Variants in CPNE4 observed in about 807,000 individuals in gnomAD.
The protein encoded by CPNE4 is copine-4.
CPNE4 carries 25 observed loss-of-function variants against 67.9 expected under a neutral mutation model. That is an observed-to-expected ratio of 0.37 (90% CI 0.27 to 0.51). CPNE4 has a LOEUF of 0.51. CPNE4 is among the 20% of genes least tolerant of loss of function. The probability of loss-of-function intolerance (pLI) is 0.93; values close to 1 mark genes in which losing one functional copy is unlikely to be tolerated. For synonymous variants in CPNE4, 242 were observed against 244.9 expected, an observed-to-expected ratio of 0.99 and a Z score of 0.11; for missense variants, 464 against 690.8, an observed-to-expected ratio of 0.67 and a Z score of 3.68.
At chr3:132,017,323 G>A (rs1257689998) in intron 1 of CPNE4, 1 of 151,062 alleles carries the variant, frequency 6.6e-6, no homozygotes. Flanking sequence ...GAGAAGGAGA[G>A]AAGAATAGAA....
chr3:131,577,606 A>G (rs1937581701), intron 9 of CPNE4, among the ~76,000 whole-genome samples: 2 of 152,148 alleles, frequency 1.3e-5, no homozygotes, highest in African/African-American at 4.8e-5. Flanking sequence ...AATATAATAA[A>G]TGGCACACCT....
At chr3:131,903,686 A>G (rs1301499968) in intron 2 of CPNE4, among the ~76,000 whole-genome samples, 1 of 152,152 alleles carries the variant, frequency 6.6e-6, no homozygotes, top group Admixed American at 6.6e-5. Flanking sequence ...CCTTGCCTGT[A>G]AAATGGGGAT....
At chr3:131,756,890 T>G (rs1465034101) in intron 2 of CPNE4, among the ~76,000 whole-genome samples, 1 of 152,130 alleles carries the variant, frequency 6.6e-6, no homozygotes, top group Non-Finnish European at 1.5e-5. Flanking sequence ...AGTGAATAAG[T>G]CTCAAGAGAT....
chr3:131,766,311 G>A (rs2083013665), intron 2 of CPNE4, among the ~76,000 whole-genome samples: 1 of 23,430 alleles, frequency 4.3e-5, no homozygotes, highest in South Asian at 1.5e-3. Context: ...TACTCAAGAA[G>A]TGTTAGCTTT....
intron 1 of CPNE4, among the ~76,000 whole-genome samples, chr3:132,022,807 T>G (rs2074026082): frequency 6.6e-6 from 1 of 152,168 alleles, no homozygotes; most frequent in African/African-American, 2.4e-5. Context: ...ACTATCTGAT[T>G]CCCTGTTTTC....
At chr3:131,573,477 A>G (rs1025774616) in intron 10 of CPNE4, among the ~76,000 whole-genome samples, 2 of 152,014 alleles carry the variant, frequency 1.3e-5, no homozygotes, top group African/African-American at 2.4e-5. Flanking sequence ...TTCAGCACCT[A>G]ATTTTTGTTG....
At chr3:131,807,295 T>C (rs1036910060) in intron 2 of CPNE4, among the ~76,000 whole-genome samples, 1 of 152,188 alleles carries the variant, frequency 6.6e-6, no homozygotes, top group African/African-American at 2.4e-5. Flanking sequence ...GCAAAGGGCA[T>C]CTCACAGGCA....
Position 131,699,828 on chromosome 3 carries a change from T to G in CPNE4, c.432+81A>C, listed in dbSNP as rs1195150625. ...AACTCCCAATATCAGAAAGTCTGCTTCCCAAGTGTCTGGTTTGGGCTGGCC... is the reference window on the plus strand; with the variant it reads ...AACTCCCAATATCAGAAAGTCTGCTGCCCAAGTGTCTGGTTTGGGCTGGCC... On this transcript the variant is annotated intron_variant, in intron 4 of 15. Coordinates refer to ENST00000429747, the MANE Select transcript of CPNE4 (RefSeq NM_130808.3). 3.8e-6 allele frequency: 4 copies of G among 1,060,128 alleles called. No homozygotes were observed. The South Asian group carries it at 6.2e-5, about 16-fold the overall frequency. The allele number at this position is 1,060,128 out of a possible 1,614,324, so 65.7% of individuals were successfully genotyped here.
Position 131,931,984 on chromosome 3 carries a change from T to G in CPNE4, c.-1-26540A>C, listed in dbSNP as rs1376721324. 3.3e-5 allele frequency among the ~76,000 whole-genome samples: 5 copies of G among 152,266 alleles called. No individual in the cohort carries two copies. The East Asian group carries it at 9.7e-4, about 29-fold the overall frequency. ...TTCTAGTTTGGTACCATGATACAAG[T>G]GAACACCAACCATATATGGCTATAA... On this transcript the variant is annotated intron_variant, in intron 1 of 15. Coordinates refer to ENST00000429747, the MANE Select transcript of CPNE4 (RefSeq NM_130808.3).
At chr3:131,836,945 C>T (rs2085580497) in intron 2 of CPNE4, among the ~76,000 whole-genome samples, 1 of 152,074 alleles carries the variant, frequency 6.6e-6, no homozygotes, top group African/African-American at 2.4e-5. Flanking sequence ...ACCAAAGATA[C>T]ACAGATGGCA....
chr3:131,593,494 C>T (rs945109579), intron 7 of CPNE4, among the ~76,000 whole-genome samples: 29 of 152,036 alleles, frequency 1.9e-4, no homozygotes, highest in African/African-American at 7.0e-4. Context: ...GTTACTAATT[C>T]TTATATATTG....
chr3:131,996,781 A>G (rs6439332), intron 1 of CPNE4, among the ~76,000 whole-genome samples: 142,755 of 152,088 alleles, frequency 0.94, 67,125 homozygotes, highest in African/African-American at 0.98. Flanking sequence ...TTAGGAGAGG[A>G]TAATGAGGGA....
chr3:131,620,346 T>C (rs1940395691), intron 7 of CPNE4: 1 of 357,334 alleles, frequency 2.8e-6, no homozygotes, highest in African/African-American at 2.2e-5. Context: ...TGATGTTAAG[T>C]GTTTAAAGGT....
In CPNE4 at chr3:131,953,250, A is replaced by AAAAAT. The variant is rs1560669180; in HGVS notation, c.-1-47807_-1-47806insATTTT. 1.4e-3 allele frequency among the ~76,000 whole-genome samples: 196 copies of AAAAAT among 141,966 alleles called. 1 individual carries two copies. Among genetic ancestry groups the AAAAAT allele is most frequent in the East Asian group, 2.6e-3 (13 of 5,024 alleles). 93.1% of individuals were successfully genotyped at this position (141,966 alleles called of 152,430 possible). ...CAAGAATGATCAATTAAAAAAAAAAAAAAAAAAAAAAAAAAAGAATGGTGA... is the reference window on the plus strand; with the variant it reads ...CAAGAATGATCAATTAAAAAAAAAAAAAAATAAAAAAAAAAAAAAAAGAATGGTGA... On this transcript the variant is annotated intron_variant, in intron 1 of 15. Coordinates refer to ENST00000429747, the MANE Select transcript of CPNE4 (RefSeq NM_130808.3).
chr3:131,928,871 T>C (rs1190591783), intron 1 of CPNE4, among the ~76,000 whole-genome samples: 1 of 152,224 alleles, frequency 6.6e-6, no homozygotes, highest in Non-Finnish European at 1.5e-5. Context: ...GAGCAGCAGC[T>C]GGCTGCTTCT....
intron 1 of CPNE4, among the ~76,000 whole-genome samples, chr3:132,015,505 A>C (rs1439732980): frequency 1.1e-5 from 1 of 92,914 alleles, no homozygotes; most frequent in Non-Finnish European, 2.5e-5. Context: ...AATTCCTTAG[A>C]CATACACACT....
intron 1 of CPNE4, among the ~76,000 whole-genome samples, chr3:131,908,835 G>A (rs1009674165): frequency 1.3e-5 from 2 of 151,974 alleles, no homozygotes; most frequent in Non-Finnish European, 2.9e-5. Context: ...CCTTGGGCAG[G>A]GTATTTAACG....
intron 2 of CPNE4, among the ~76,000 whole-genome samples, chr3:131,757,374 T>C (rs973900123): frequency 7.9e-5 from 12 of 152,182 alleles, no homozygotes; most frequent in Admixed American, 5.2e-4. Context: ...TTTGTTATGT[T>C]TTAGCAAAGA....
intron 6 of CPNE4, among the ~76,000 whole-genome samples, chr3:131,676,648 C>T (rs2080577416): frequency 6.6e-6 from 1 of 152,122 alleles, no homozygotes; most frequent in Non-Finnish European, 1.5e-5. Flanking sequence ...GTCTTCTGTT[C>T]ATGCATTAGT....
Sources: allele counts gnomAD v4.1 joint callset (sites outside exome capture counted in the v4.1 genomes callset), GRCh38; gene constraint gnomAD v4.1.1; transcripts MANE v1.5; gene names NCBI Gene and HGNC (gene_info 2026-07-23, HGNC 2026-07-21).